DSTYK: variants seen among roughly 807,000 people sequenced by gnomAD.
DSTYK encodes the protein RIP-homologous kinase.
A neutral mutation model predicts 98.7 loss-of-function variants in DSTYK; 34 were observed. That is an observed-to-expected ratio of 0.34 (90% confidence interval 0.26 to 0.46). DSTYK has a LOEUF of 0.46. DSTYK is among the 20% of genes least tolerant of loss of function. The probability of loss-of-function intolerance (pLI) is 1.00; values close to 1 mark genes in which losing one functional copy is unlikely to be tolerated. For missense variants in DSTYK, 962 were observed against 1,181.7 expected (o/e 0.81, Z 2.73); for synonymous variants, 462 against 457.3 (o/e 1.01, Z -0.13).
intron 3 of DSTYK, among the ~76,000 whole-genome samples, chr1:205,167,314 T>G (rs1657919334): frequency 6.6e-6 from 1 of 152,054 alleles, no homozygotes; most frequent in Non-Finnish European, 1.5e-5. Flanking sequence ...GCAGGAGGAT[T>G]GCTTGAGCCC....
intron 1 of DSTYK, among the ~76,000 whole-genome samples, chr1:205,204,756 T>A (rs552778200): frequency 6.6e-6 from 1 of 152,284 alleles, no homozygotes; most frequent in Non-Finnish European, 1.5e-5. Flanking sequence ...ATTTGCTCAT[T>A]TTCTTCTCCC....
At chr1:205,166,641 G>A (rs201019232) in intron 3 of DSTYK, among the ~76,000 whole-genome samples, 8 of 152,076 alleles carry the variant, frequency 5.3e-5, no homozygotes, top group African/African-American at 1.2e-4. Context: ...ATATGATGCC[G>A]GCAGTGATGC....
chr1:205,155,965 A>C (rs1574751292), intron 10 of DSTYK, among the ~76,000 whole-genome samples: 1 of 152,244 alleles, frequency 6.6e-6, no homozygotes, highest in Admixed American at 6.5e-5. Context: ...AAAAGGGGCC[A>C]CCACATAGCT....
chr1:205,176,476 TAA>T (rs61291677), intron 2 of DSTYK, among the ~76,000 whole-genome samples: 718 of 42,716 alleles, frequency 0.017, 3 homozygotes, highest in African/African-American at 0.035. Context: ...AACTCCCTCT[TAA>T]AAAAAAAAAA....
At position 205,142,613 on chromosome 1, in the gene DSTYK, G is replaced by A. The variant is rs1414311209; in HGVS notation, c.*4945C>T. ...CCCAACCCTTCAATATTACACTAAT[G>A]AAGATTAACCCAGAGTCGCATCTCT... On this transcript the variant is annotated 3_prime_UTR_variant, in exon 13 of 13. Transcript: ENST00000367162. 1 of 152,188 alleles carries A rather than the reference G, an allele frequency of 6.6e-6. No homozygotes were observed. The highest frequency in any genetic ancestry group is 6.6e-5 in the Admixed American group (1 of 15,254). 9.4% of individuals were successfully genotyped at this position (152,188 alleles called of 1,614,324 possible).
rs756706640 is a variant in DSTYK at position 205,157,397 on chromosome 1, C to T, written c.2239-11G>A. The T allele has an allele frequency of 2.5e-6, 4 of 1,610,558 alleles. No homozygotes were observed. Among genetic ancestry groups the T allele is most frequent in the Non-Finnish European group, 3.4e-6 (4 of 1,176,978 alleles). On this transcript the variant is annotated splice_polypyrimidine_tract_variant and intron_variant, in intron 9 of 12. Coordinates refer to ENST00000367162, the MANE Select transcript of DSTYK (RefSeq NM_015375.3). ...CAGGGTCAGCCCAGCCTTGGGGAGA[C>T]AAAAGAGCTTACTTGTCATGATAAG...
chr1:205,148,936 C>T (rs1657324585), intron 11 of DSTYK, among the ~76,000 whole-genome samples: 3 of 144,902 alleles, frequency 2.1e-5, no homozygotes, highest in Non-Finnish European at 3.0e-5. Context: ...GAGTTTGACT[C>T]TTATTGCCCA....
Position 205,174,556 on chromosome 1 carries a change from G to T in DSTYK, c.655-4724C>A, listed in dbSNP as rs187550037. Among the ~76,000 whole-genome samples, 86 of 149,964 alleles carry T rather than the reference G, an allele frequency of 5.7e-4. 1 individual carries two copies. The East Asian group carries it at 0.016, about 28-fold the overall frequency. On this transcript the variant is annotated intron_variant, in intron 2 of 12. Coordinates refer to ENST00000367162, the MANE Select transcript of DSTYK (RefSeq NM_015375.3). Reference sequence around the variant, plus strand: ...AAATTAGCTGGGCATGGTGGCATATGCCTGTAGTCTCAGCTACTTGGGAGG... The same window carrying T: ...AAATTAGCTGGGCATGGTGGCATATTCCTGTAGTCTCAGCTACTTGGGAGG...
rs1657126179 is a variant in DSTYK, at chr1:205,143,214, T to G, written c.*4344A>C. 2 of 151,740 alleles carry G rather than the reference T, an allele frequency of 1.3e-5. No homozygotes were observed. Among genetic ancestry groups the G allele is most frequent in the African/African-American group, 2.4e-5 (1 of 41,242 alleles). 9.4% of individuals were successfully genotyped at this position (151,740 alleles called of 1,614,324 possible). A position where few individuals can be genotyped will look rare whatever the true frequency, so the allele number is the denominator to read the frequency against. On this transcript the variant is annotated 3_prime_UTR_variant, in exon 13 of 13. Coordinates refer to ENST00000367162, the MANE Select transcript of DSTYK (RefSeq NM_015375.3). Reference sequence around the variant, plus strand: ...CAGGCTGGAGTGCAGTGGTGTGATCTTGGCTCAATGCAGCCTCTGTCTCCT... The same window carrying G: ...CAGGCTGGAGTGCAGTGGTGTGATCGTGGCTCAATGCAGCCTCTGTCTCCT...
intron 1 of DSTYK, among the ~76,000 whole-genome samples, chr1:205,203,637 T>C (rs940608236): frequency 2.0e-5 from 3 of 149,984 alleles, no homozygotes; most frequent in African/African-American, 7.4e-5. Flanking sequence ...GCTGACCAGC[T>C]GGGCAAGGTG....
At chr1:205,181,313 C>A (rs1658389611) in intron 2 of DSTYK, among the ~76,000 whole-genome samples, 1 of 152,082 alleles carries the variant, frequency 6.6e-6, no homozygotes, top group African/African-American at 2.4e-5. Flanking sequence ...ACTCAAGAGA[C>A]AATATGGTAT....
intron 6 of DSTYK, 92 bp from the exon 7 acceptor site, chr1:205,161,479 T>C (rs1657717931): frequency 1.5e-5 from 19 of 1,289,172 alleles, no homozygotes; most frequent in Middle Eastern, 2.0e-4. Flanking sequence ...CTACTTCATA[T>C]AGATAATTGT....
At position 205,152,818 on chromosome 1, in the gene DSTYK, G is replaced by A. The variant is rs1286873556; in HGVS notation, c.2353-2024C>T. The stretch of plus-strand genomic sequence containing the variant: ...GAGCATTTTGGATTTGTAATTTTTG[G>A]ATTAGGAATACTCAACCGGTACTGT... On this transcript the variant is annotated intron_variant, in intron 10 of 12. Transcript: ENST00000367162. Among the ~76,000 whole-genome samples, 4 of 152,248 alleles carry A rather than the reference G, an allele frequency of 2.6e-5. No individual in the cohort carries two copies. In the South Asian group the frequency reaches 8.3e-4, roughly 32 times the overall value.
chr1:205,179,343 G>A (rs982646149), intron 2 of DSTYK, among the ~76,000 whole-genome samples: 10 of 151,994 alleles, frequency 6.6e-5, no homozygotes, highest in African/African-American at 1.9e-4. Context: ...AGATGCGGCC[G>A]GGCGTGGTGG....
chr1:205,182,192 A>G (rs1367614097), intron 2 of DSTYK, among the ~76,000 whole-genome samples: 1 of 149,854 alleles, frequency 6.7e-6, no homozygotes, highest in African/African-American at 2.5e-5. Flanking sequence ...CTTGAGCTCA[A>G]GTGTTTGGGA....
At chr1:205,170,149 A>G (rs1024955249) in intron 2 of DSTYK, among the ~76,000 whole-genome samples, 7 of 152,204 alleles carry the variant, frequency 4.6e-5, no homozygotes, top group African/African-American at 1.7e-4. Flanking sequence ...CCTCTGATGA[A>G]GAATTAAGAC....
chr1:205,193,424 T>C (rs956456491), intron 1 of DSTYK, among the ~76,000 whole-genome samples: 6 of 152,304 alleles, frequency 3.9e-5, no homozygotes, highest in African/African-American at 1.4e-4. Context: ...GTATGGTGCT[T>C]TGGCATGCTG....
At chr1:205,190,184 G>A (rs1340157453) in intron 1 of DSTYK, among the ~76,000 whole-genome samples, 2 of 152,176 alleles carry the variant, frequency 1.3e-5, no homozygotes, top group African/African-American at 4.8e-5. Flanking sequence ...AGATTTGTTT[G>A]TTTTGTCTGA....
intron 1 of DSTYK, among the ~76,000 whole-genome samples, chr1:205,193,480 G>A (rs1658772145): frequency 6.6e-6 from 1 of 152,128 alleles, no homozygotes; most frequent in Non-Finnish European, 1.5e-5. Context: ...AAGCAAGGTT[G>A]CTCTCTGACC....
Sources: allele counts gnomAD v4.1 joint callset (sites outside exome capture counted in the v4.1 genomes callset), GRCh38; gene constraint gnomAD v4.1.1; transcripts MANE v1.5; gene names NCBI Gene and HGNC (gene_info 2026-07-23, HGNC 2026-07-21).